TRIM36: variants seen among roughly 807,000 people sequenced by gnomAD.
The protein encoded by TRIM36 is tripartite motif containing 36, also known as E3 ubiquitin-protein ligase TRIM36.
TRIM36 carries 42 observed loss-of-function variants against 72.4 expected under a neutral mutation model. That is an observed-to-expected ratio of 0.58 (90% CI 0.45 to 0.75). The LOEUF (loss-of-function observed/expected upper bound fraction) is 0.75, where lower values mean the gene tolerates loss of function less well. TRIM36 is among the 30% of genes least tolerant of loss of function. The pLI is 0.00. For synonymous variants in TRIM36, 315 were observed against 282.8 expected, an observed-to-expected ratio of 1.11 and a Z score of -1.14; for missense variants, 913 against 857.1, an observed-to-expected ratio of 1.07 and a Z score of -0.81.
intron 1 of TRIM36, among the ~76,000 whole-genome samples, chr5:115,164,764 C>A (rs1754673221): frequency 6.6e-6 from 1 of 152,190 alleles, no homozygotes; most frequent in East Asian, 1.9e-4. Flanking sequence ...TCCAAACAGT[C>A]CCCCAAAGTC....
At chr5:115,169,476 G>T (rs1754971380) in intron 1 of TRIM36, 132 bp downstream of exon 1, 2 of 989,992 alleles carry the variant, frequency 2.0e-6, no homozygotes, top group African/African-American at 1.7e-5. Flanking sequence ...CGAAGAGGAA[G>T]CGGGATCCCC....
intron 1 of TRIM36, chr5:115,179,824 T>C: frequency 1.4e-6 from 1 of 704,416 alleles, no homozygotes; most frequent in Non-Finnish European, 2.4e-6. Context: ...ATTCCGCAGC[T>C]GCTGGGACGC....
intron 5 of TRIM36, among the ~76,000 whole-genome samples, chr5:115,137,835 A>G (rs1425228253): frequency 6.6e-6 from 1 of 152,238 alleles, no homozygotes; most frequent in East Asian, 1.9e-4. Context: ...AAATACACTT[A>G]GCAAAGAACA....
chr5:115,167,686 CA>C (rs1210409833), intron 1 of TRIM36, among the ~76,000 whole-genome samples: 3 of 152,316 alleles, frequency 2.0e-5, no homozygotes, highest in African/African-American at 7.2e-5. Flanking sequence ...TAGGAAGTTC[CA>C]AACTTTCCCA....
In TRIM36 at chr5:115,124,848, T is replaced by G. The variant is rs1366111562; in HGVS notation, c.*1655A>C. 2.0e-5 allele frequency: 3 copies of G among 152,582 alleles called. No individual in the cohort carries two copies. The highest frequency in any genetic ancestry group is 4.8e-5 in the African/African-American group (2 of 41,458). 9.5% of individuals were successfully genotyped at this position (152,582 alleles called of 1,614,324 possible). On this transcript the variant is annotated 3_prime_UTR_variant, in exon 10 of 10. Coordinates refer to ENST00000513154, the MANE Select transcript of TRIM36 (RefSeq NM_001300759.2). ...ACAAGGTTTGAAACAGCTATCCTAT[T>G]CCTGTTAAAGCTTCACATTTAAAAA...
upstream of TRIM36, among the ~76,000 whole-genome samples, chr5:115,170,826 G>A (rs747995996): frequency 6.6e-6 from 1 of 152,224 alleles, no homozygotes; most frequent in Non-Finnish European, 1.5e-5. Context: ...GGTCCTGAGC[G>A]GCTCCGGCAC....
intron 2 of TRIM36, among the ~76,000 whole-genome samples, chr5:115,158,394 ATTTG>A (rs906960275): frequency 2.0e-5 from 3 of 152,232 alleles, no homozygotes; most frequent in African/African-American, 7.2e-5. Flanking sequence ...GCTTTCAGTC[ATTTG>A]TTTAACCATT....
At chr5:115,130,548 A>C in intron 9 of TRIM36, 44 bp downstream of exon 9, 1 of 1,551,908 alleles carries the variant, frequency 6.4e-7, no homozygotes, top group Non-Finnish European at 8.7e-7. Context: ...TTTCAGGCTT[A>C]CTTTTAAAAA....
Position 115,163,503 on chromosome 5 carries a change from A to G in TRIM36, c.262+15T>C, listed in dbSNP as rs752248459. ...TACCCCCACTACCATCCCAGCCCAC[A>G]GTTCTAACACATACCTGGTCTGTTA... On this transcript the variant is annotated intron_variant, in intron 2 of 9. Transcript: ENST00000513154. 1.9e-6 allele frequency: 3 copies of G among 1,609,386 alleles called. No individual in the cohort carries two copies. Among genetic ancestry groups the G allele is most frequent in the South Asian group, 2.2e-5 (2 of 90,984 alleles).
In TRIM36 at chr5:115,169,878, G is replaced by T; in HGVS notation, c.-244C>A. ...ACTACCCCGGGAATCCCGCCCAGCTGCCGGCTGCAGCAGCGGCTCCTGCGG... is the reference window on the plus strand; with the variant it reads ...ACTACCCCGGGAATCCCGCCCAGCTTCCGGCTGCAGCAGCGGCTCCTGCGG... On this transcript the variant is annotated 5_prime_UTR_variant, in exon 1 of 10. Transcript: ENST00000513154. The T allele has an allele frequency of 7.7e-7, 1 of 1,303,342 alleles. No individual in the cohort carries two copies. The highest frequency in any genetic ancestry group is 2.9e-4 in the Middle Eastern group (1 of 3,438). 80.7% of individuals were successfully genotyped at this position (1,303,342 alleles called of 1,614,324 possible). A position where few individuals can be genotyped will look rare whatever the true frequency, so the allele number is the denominator to read the frequency against.
upstream of TRIM36, among the ~76,000 whole-genome samples, chr5:115,173,545 C>T (rs1045833597): frequency 7.1e-5 from 10 of 140,090 alleles, no homozygotes; most frequent in African/African-American, 2.8e-4. Flanking sequence ...TGTGTGTGTG[C>T]GCGCACGCAT....
Position 115,160,087 on chromosome 5 carries a change from A to G in TRIM36, c.262+3431T>C, listed in dbSNP as rs192052383. Among the ~76,000 whole-genome samples, 76 of 152,102 alleles carry G rather than the reference A, an allele frequency of 5.0e-4. 1 individual carries two copies. The highest frequency in any genetic ancestry group is 4.4e-3 in the Admixed American group (68 of 15,284). ...CAACCAGAAAATACAAACTGGGGGGAAAGCTTACTGTATACTTTATGATCA... is the reference window on the plus strand; with the variant it reads ...CAACCAGAAAATACAAACTGGGGGGGAAGCTTACTGTATACTTTATGATCA... On this transcript the variant is annotated intron_variant, in intron 2 of 9. Transcript: ENST00000513154.
chr5:115,144,857 G>C, intron 3 of TRIM36, 113 bp from the exon 4 acceptor site: 2 of 1,152,890 alleles, frequency 1.7e-6, no homozygotes, highest in South Asian at 3.3e-5. Context: ...CCATTTAAGT[G>C]AATATGAATG....
chr5:115,166,039 G>T (rs1754758348), intron 1 of TRIM36, among the ~76,000 whole-genome samples: 1 of 152,176 alleles, frequency 6.6e-6, no homozygotes, highest in African/African-American at 2.4e-5. Context: ...GGCTGAGGGT[G>T]ACTCAACGTG....
chr5:115,177,852 C>A (rs1250016751), intron 1 of TRIM36: 2 of 1,614,018 alleles, frequency 1.2e-6, no homozygotes, highest in Non-Finnish European at 1.7e-6. Flanking sequence ...CATGGGTTTG[C>A]TGCAGGCCCA....
Position 115,130,800 on chromosome 5 carries a change from C to G in TRIM36, c.1588G>C (p.Gly530Arg). ...LKRDRVESRAGFNLLLAAERI... is the reference protein window; with the variant it reads ...LKRDRVESRARFNLLLAAERI... ...TCTGCAGCAAGCAGAAGATTAAATC[C>G]AGCTCTACTCTCTACACGGTCTCTC... Residue 530 changes from glycine (G) to arginine (R), a missense_variant, in exon 9 of 10, where the codon GGA becomes CGA. By Grantham distance (125) the Gly-to-Arg change is moderately radical. Coordinates refer to ENST00000513154, the MANE Select transcript of TRIM36 (RefSeq NM_001300759.2). 6.2e-7 allele frequency: 1 copy of G among 1,614,106 alleles called. No individual in the cohort carries two copies. The highest frequency in any genetic ancestry group is 1.1e-5 in the South Asian group (1 of 91,078).
chr5:115,130,141 T>G (rs1580636156), intron 9 of TRIM36, among the ~76,000 whole-genome samples: 1 of 152,202 alleles, frequency 6.6e-6, no homozygotes. Context: ...GTCAATCTCT[T>G]AAGAAACTGG....
intron 2 of TRIM36, among the ~76,000 whole-genome samples, chr5:115,158,116 TA>T (rs139347962): frequency 2.8e-4 from 40 of 141,446 alleles, no homozygotes; most frequent in Non-Finnish European, 1.1e-4. Context: ...ACTATGGAAA[TA>T]AAAAAAATTT....
At chr5:115,160,378 T>A (rs1057269655) in intron 2 of TRIM36, among the ~76,000 whole-genome samples, 1 of 152,212 alleles carries the variant, frequency 6.6e-6, no homozygotes, top group Non-Finnish European at 1.5e-5. Context: ...ATATAAACAA[T>A]ATAACAATTA....
Sources: allele counts gnomAD v4.1 joint callset (sites outside exome capture counted in the v4.1 genomes callset), GRCh38; gene constraint gnomAD v4.1.1; transcripts MANE v1.5; gene names NCBI Gene and HGNC (gene_info 2026-07-23, HGNC 2026-07-21).